Variants in CRY2 observed in about 807,000 individuals in gnomAD.
CRY2 encodes the protein cryptochrome circadian regulator 2.
In CRY2, 31 loss-of-function variants were observed where a neutral mutation model predicts 69.5. The ratio of observed to expected loss-of-function variants is 0.45; its 90% CI spans 0.34 to 0.60. The LOEUF is 0.60. CRY2 is among the 20% of genes least tolerant of loss of function. The pLI is 0.02. For synonymous variants in CRY2, 303 were observed against 312.2 expected (o/e 0.97, Z 0.31); for missense variants, 606 against 797.8 (o/e 0.76, Z 2.90).
chr11:45,863,828 A>G (rs1275759006), intron 5 of CRY2, among the ~76,000 whole-genome samples: 3 of 152,044 alleles, frequency 2.0e-5, no homozygotes, highest in Non-Finnish European at 4.4e-5. Context: ...ATCCACTCGG[A>G]CTAGGATCAG....
At chr11:45,862,215 T>A (rs1292653465) in intron 5 of CRY2, 67 bp downstream of exon 5, 6 of 1,455,052 alleles carry the variant, frequency 4.1e-6, no homozygotes, top group African/African-American at 1.4e-5. Flanking sequence ...ATACAGGTCA[T>A]GTCCATGTCC....
At chr11:45,874,428 G>A (rs2086410362) in intron 11 of CRY2, among the ~76,000 whole-genome samples, 1 of 152,168 alleles carries the variant, frequency 6.6e-6, no homozygotes. Flanking sequence ...TCTGGGCTTG[G>A]GTGGCAGCCC....
chr11:45,870,689 C>A, intron 9 of CRY2, 153 bp from the exon 10 acceptor site: 2 of 1,110,600 alleles, frequency 1.8e-6, no homozygotes, highest in Non-Finnish European at 2.6e-6. Flanking sequence ...CTGGGATGAA[C>A]TGGGCCTTCC....
chr11:45,855,892 A>G (rs2086235086), intron 1 of CRY2, 90 bp from the exon 2 acceptor site: 15 of 1,157,936 alleles, frequency 1.3e-5, no homozygotes, highest in Non-Finnish European at 1.6e-5. Context: ...TGTTGGGCAT[A>G]AACAGCGAAC....
intron 1 of CRY2, among the ~76,000 whole-genome samples, chr11:45,850,303 C>G (rs147700164): frequency 6.6e-6 from 1 of 152,032 alleles, no homozygotes; most frequent in Admixed American, 6.6e-5. Flanking sequence ...CCACTGTGCC[C>G]GGCCTTGGGC....
At chr11:45,871,510 G>A (rs1232354009) in intron 10 of CRY2, among the ~76,000 whole-genome samples, 1 of 152,312 alleles carries the variant, frequency 6.6e-6, no homozygotes, top group East Asian at 1.9e-4. Context: ...AAGCTCCCTG[G>A]CCTGCTGGGT....
upstream of CRY2, chr11:45,847,385 G>T: frequency 6.3e-7 from 1 of 1,597,730 alleles, no homozygotes; most frequent in Non-Finnish European, 8.5e-7. Flanking sequence ...TGTGGGCGGG[G>T]ACTAAGGGTG....
At chr11:45,856,866 G>T (rs1362340686) in intron 2 of CRY2, among the ~76,000 whole-genome samples, 2 of 151,658 alleles carry the variant, frequency 1.3e-5, no homozygotes, top group Non-Finnish European at 2.9e-5. Flanking sequence ...ATGATTGATA[G>T]AAATCTTCAT....
intron 1 of CRY2, among the ~76,000 whole-genome samples, chr11:45,853,887 G>A (rs2086217409): frequency 6.6e-6 from 1 of 152,260 alleles, no homozygotes; most frequent in African/African-American, 2.4e-5. Flanking sequence ...CTTTTGGTTT[G>A]CATAAAGCAG....
chr11:45,867,350 T>G, intron 5 of CRY2: 2 of 450,214 alleles, frequency 4.4e-6, no homozygotes, highest in Non-Finnish European at 7.9e-6. Context: ...TTGTTCTTAT[T>G]TAATAGATAC....
chr11:45,870,927 C>T lies in CRY2; in HGVS notation c.1635C>T (p.Ser545=), dbSNP rs775706189. The stretch of plus-strand genomic sequence containing the variant: ...GCTCGAGCCAGGCTGGCAGCATGAG[C>T]AGTGCAGGTGAGCAGCAGCAACCAA... ...EPSSSQAGSM[S]SAGPRPLPSG... Residue 545 remains serine, a synonymous_variant, in exon 10 of 12, where the codon AGC becomes AGT. Transcript: ENST00000616080. The T allele has an allele frequency of 6.2e-7, 1 of 1,610,452 alleles. No homozygotes were observed.
rs576998283 is a variant in CRY2, at chr11:45,848,861, G to A, written c.215+1156G>A. ...GTGCTGCTAGCAGTGGGCCTGTTCAGTGTCCCCTCCTGCCCAGAAGGAACA... is the reference window on the plus strand; with the variant it reads ...GTGCTGCTAGCAGTGGGCCTGTTCAATGTCCCCTCCTGCCCAGAAGGAACA... On this transcript the variant is annotated intron_variant, in intron 1 of 11. Coordinates refer to ENST00000616080, the MANE Select transcript of CRY2 (RefSeq NM_021117.5). Among the ~76,000 whole-genome samples, 15 of 152,294 alleles carry A rather than the reference G, an allele frequency of 9.8e-5. No individual in the cohort carries two copies. In the South Asian group the frequency reaches 2.5e-3, roughly 25 times the overall value.
intron 3 of CRY2, among the ~76,000 whole-genome samples, chr11:45,859,476 C>T (rs1456091694): frequency 6.6e-6 from 1 of 151,614 alleles, no homozygotes; most frequent in African/African-American, 2.4e-5. Flanking sequence ...GTTGGAGGAT[C>T]ACTTGAGCCC....
upstream of CRY2, chr11:45,847,413 G>C: frequency 1.3e-6 from 2 of 1,593,820 alleles, no homozygotes; most frequent in East Asian, 4.5e-5. Context: ...GGCGTCATAG[G>C]TCACTGGGCG....
intron 3 of CRY2, among the ~76,000 whole-genome samples, chr11:45,859,605 GTTTCCAGGCCA>G (rs1011624751): frequency 1.3e-4 from 20 of 152,184 alleles, no homozygotes; most frequent in Admixed American, 3.9e-4. Context: ...GACTATCTGG[GTTTCCAGGCCA>G]TGTTGCTTGG....
At position 45,847,517 on chromosome 11, in the gene CRY2, A is replaced by T. The variant is rs757498146; in HGVS notation, c.27A>T (p.Ala9=). 1 of 1,591,080 alleles carries T rather than the reference A, an allele frequency of 6.3e-7. No homozygotes were observed. The highest frequency in any genetic ancestry group is 2.3e-5 in the East Asian group (1 of 44,286). The change falls in exon 1 of 12, where the codon GCA becomes GCT. Residue 9 remains alanine, a synonymous_variant. Transcript: ENST00000616080. ...TGGCGGCGACTGTGGCGACGGCGGC[A>T]GCTGTGGCCCCGGCGCCAGCGCCCG... MAATVATA[A]AVAPAPAPGT...
chr11:45,855,076 C>T (rs2086228985), intron 1 of CRY2, among the ~76,000 whole-genome samples: 1 of 152,214 alleles, frequency 6.6e-6, no homozygotes, highest in South Asian at 2.1e-4. Context: ...GCTGAAGGCA[C>T]TCAGCAAATG....
At chr11:45,876,673 G>A (rs561414780) in intron 11 of CRY2, among the ~76,000 whole-genome samples, 15 of 152,240 alleles carry the variant, frequency 9.9e-5, no homozygotes, top group African/African-American at 2.9e-4. Context: ...CCCCTCCCCC[G>A]CGGGCTTTTG....
In CRY2 at chr11:45,867,746, T is replaced by TA; in HGVS notation, c.881dup (p.Val295GlyfsTer32). ...TCTACTACCGCCTGTGGGACCTGTA[T>TA]AAAAAGGTAAGGGGGACATACCTGC... is the stretch of plus-strand genomic sequence containing the variant. On this transcript the variant is annotated frameshift_variant, in exon 6 of 12. Transcript: ENST00000616080. LOFTEE classifies it high-confidence loss of function. The TA allele has an allele frequency of 6.2e-7, 1 of 1,614,074 alleles. No individual in the cohort carries two copies. Among genetic ancestry groups the TA allele is most frequent in the South Asian group, 1.1e-5 (1 of 91,084 alleles).
Sources: gnomAD v4.1 joint callset for allele counts (sites outside exome capture counted in the v4.1 genomes callset) on GRCh38, gnomAD v4.1.1 for gene constraint, MANE v1.5 for transcripts, NCBI Gene and HGNC (gene_info 2026-07-23, HGNC 2026-07-21) for gene names.